The following PIK3R6 variants were observed in gnomAD, a reference collection of about 807,000 sequenced individuals.
PIK3R6 encodes the protein phosphoinositide-3-kinase regulatory subunit 6, also known as phosphoinositide 3-kinase regulatory subunit 6.
A neutral mutation model predicts 84.9 loss-of-function variants in PIK3R6; 91 were observed. The ratio of observed to expected loss-of-function variants is 1.07; its 90% CI spans 0.90 to 1.28. The LOEUF is 1.28. PIK3R6 is among the 50% of genes most tolerant of loss of function. The pLI is 0.00. For missense variants in PIK3R6, 996 were observed against 985.1 expected (o/e 1.01, Z -0.15); for synonymous variants, 416 against 411.4 (o/e 1.01, Z -0.13).
At position 8,836,475 on chromosome 17, in the gene PIK3R6, G is replaced by A. The variant is rs914672097; in HGVS notation, c.461+72C>T. On this transcript the variant is annotated intron_variant, in intron 7 of 19. Coordinates refer to ENST00000619866, the MANE Select transcript of PIK3R6 (RefSeq NM_001010855.4). ...ATCCAGCCTCCTCTTTTGTCCTCCT[G>A]CCAGGGAGCAGTCACTAAAGCCACA... 13 of 1,528,014 alleles carry A rather than the reference G, an allele frequency of 8.5e-6. 1 individual carries two copies. The highest frequency in any genetic ancestry group is 1.2e-5 in the Non-Finnish European group (13 of 1,103,290). 94.7% of individuals were successfully genotyped at this position (1,528,014 alleles called of 1,614,324 possible).
intron 18 of PIK3R6, among the ~76,000 whole-genome samples, chr17:8,815,854 T>G (rs537082447): frequency 3.9e-5 from 6 of 152,210 alleles, no homozygotes; most frequent in South Asian, 4.1e-4. Context: ...GGCAAGTCTT[T>G]CCTGGAAATT....
At position 8,827,258 on chromosome 17, in the gene PIK3R6, G is replaced by A; in HGVS notation, c.1429C>T (p.Leu477=). Residue 477 remains leucine, a synonymous_variant, in exon 13 of 20, where the codon CTG becomes TTG. Coordinates refer to ENST00000619866, the MANE Select transcript of PIK3R6 (RefSeq NM_001010855.4). ...TCTACGCGGCCCAGGAACGTAGCCAGCTCTCCCAGCTCCGGCTGCCTGGAT... is the reference window on the plus strand; with the variant it reads ...TCTACGCGGCCCAGGAACGTAGCCAACTCTCCCAGCTCCGGCTGCCTGGAT... ...AASRQPELGE[L]ATFLGRVDPW... 1 of 1,572,282 alleles carries A rather than the reference G, an allele frequency of 6.4e-7. No homozygotes were observed. Among genetic ancestry groups the A allele is most frequent in the Non-Finnish European group, 8.6e-7 (1 of 1,159,196 alleles).
chr17:8,811,056 G>T (rs1224607478), intron 18 of PIK3R6, among the ~76,000 whole-genome samples: 1 of 149,002 alleles, frequency 6.7e-6, no homozygotes, highest in Admixed American at 6.8e-5. Flanking sequence ...TTCTGCCTGG[G>T]CATTCAGGCA....
chr17:8,817,668 A>AC (rs139795191), intron 18 of PIK3R6, among the ~76,000 whole-genome samples: 3,429 of 152,170 alleles, frequency 0.023, 126 homozygotes, highest in African/African-American at 0.076. Flanking sequence ...AACAAAAAAA[A>AC]CAAAAACATT....
intron 4 of PIK3R6, chr17:8,838,164 G>C (rs565822482): frequency 2.0e-6 from 1 of 493,234 alleles, no homozygotes; most frequent in East Asian, 3.7e-5. Context: ...TCCTCAGCTC[G>C]GAGCCTCCCT....
chr17:8,826,087 T>A (rs1453861416), intron 13 of PIK3R6, among the ~76,000 whole-genome samples: 2 of 152,192 alleles, frequency 1.3e-5, no homozygotes, highest in African/African-American at 4.8e-5. Flanking sequence ...ACTCATTCTG[T>A]GACTTCAGGC....
chr17:8,845,521 TA>T (rs1280439925), intron 2 of PIK3R6, among the ~76,000 whole-genome samples: 1 of 152,334 alleles, frequency 6.6e-6, no homozygotes, highest in Non-Finnish European at 1.5e-5. Context: ...GTTTTTTGCT[TA>T]ATCAGTTGTG....
At position 8,821,952 on chromosome 17, in the gene PIK3R6, G is replaced by A. The variant is rs766311316; in HGVS notation, c.1789-16C>T. ...TAAGCAAGGCCTGAGGAGGGGGATC[G>A]AGGAACAGGTGGAGGTGCTCAGGAC... On this transcript the variant is annotated splice_polypyrimidine_tract_variant and intron_variant, in intron 16 of 19. Coordinates refer to ENST00000619866, the MANE Select transcript of PIK3R6 (RefSeq NM_001010855.4). 13 of 1,556,266 alleles carry A rather than the reference G, an allele frequency of 8.4e-6. No individual in the cohort carries two copies. Among genetic ancestry groups the A allele is most frequent in the Non-Finnish European group, 9.6e-6 (11 of 1,146,820 alleles).
rs181905284 is a variant in PIK3R6, at chr17:8,803,331, T to C, written c.2207A>G (p.Lys736Arg). 7.6e-5 allele frequency: 122 copies of C among 1,613,422 alleles called. 1 individual carries two copies. The African/African-American group carries it at 1.5e-3, about 20-fold the overall frequency. ...LHGQQEVEAIKAKPKPLLMPI... is the reference protein window; with the variant it reads ...LHGQQEVEAIRAKPKPLLMPI... ...CATCAGAAGGGGCTTGGGCTTGGCTTTGATTGCTTCCACCTCCTGTTGCCC... is the reference window on the plus strand; with the variant it reads ...CATCAGAAGGGGCTTGGGCTTGGCTCTGATTGCTTCCACCTCCTGTTGCCC... Residue 736 changes from lysine to arginine, a missense_variant, in exon 20 of 20, where the codon AAA (lysine) becomes AGA (arginine). Physicochemically the swap from Lys to Arg is conservative, Grantham distance 26. Coordinates refer to ENST00000619866, the MANE Select transcript of PIK3R6 (RefSeq NM_001010855.4). The surrounding 1 kb of genome is among the most constrained non-coding windows in gnomAD (Gnocchi z 5.0).
At chr17:8,863,851 T>C (rs1165452421) in intron 1 of PIK3R6, among the ~76,000 whole-genome samples, 1 of 152,158 alleles carries the variant, frequency 6.6e-6, no homozygotes, top group African/African-American at 2.4e-5. Context: ...AAAAGGATGA[T>C]GAGAGAGATC....
intron 17 of PIK3R6, 31 bp from the exon 18 acceptor site, chr17:8,819,229 C>A (rs1385162429): frequency 1.3e-6 from 2 of 1,498,744 alleles, no homozygotes. Flanking sequence ...TGTAAATGGA[C>A]CTCCAGGGAA....
rs1205578822 is a variant in PIK3R6 at position 8,841,703 on chromosome 17, A to G, written c.14-2006T>C. On this transcript the variant is annotated intron_variant, in intron 2 of 19. Transcript: ENST00000619866. ...TTAACAGTGGTACGTTGACATGGGA[A>G]AAAAAAAAAACCATGAAAGTGGTAC... is the stretch of plus-strand genomic sequence containing the variant. Among the ~76,000 whole-genome samples, 6 of 141,600 alleles carry G rather than the reference A, an allele frequency of 4.2e-5. No homozygotes were observed. In the East Asian group the frequency reaches 1.2e-3, roughly 28 times the overall value. 92.9% of individuals were successfully genotyped at this position (141,600 alleles called of 152,430 possible).
In PIK3R6 at chr17:8,822,645, G is replaced by A; in HGVS notation, c.1730C>T (p.Pro577Leu). ...DSKFPKDGFS[P>L]RRRGVAEGPG... ...GCCCTCAGCCACGCCTCTCCTCCTG[G>A]GTGAAAAGCCATCTGTGGGGAGATG... Residue 577 changes from proline (P) to leucine (L), a missense_variant, in exon 16 of 20, where the codon CCC becomes CTC. By Grantham distance (98) the Pro-to-Leu change is moderately conservative (BLOSUM62 -3). Coordinates refer to ENST00000619866, the MANE Select transcript of PIK3R6 (RefSeq NM_001010855.4). 2 of 1,613,980 alleles carry A rather than the reference G, an allele frequency of 1.2e-6. No individual in the cohort carries two copies. The highest frequency in any genetic ancestry group is 1.7e-6 in the Non-Finnish European group (2 of 1,179,872).
intron 9 of PIK3R6, among the ~76,000 whole-genome samples, chr17:8,831,765 T>C (rs1219127213): frequency 6.6e-6 from 1 of 152,146 alleles, no homozygotes; most frequent in Non-Finnish European, 1.5e-5. Flanking sequence ...ACTGTGCATA[T>C]CTGGGACATG....
In PIK3R6 at chr17:8,828,887, G is replaced by A. The variant is rs1414389940; in HGVS notation, c.993C>T (p.Ala331=). Residue 331 remains alanine (A), a synonymous_variant, in exon 11 of 20, where the codon GCC becomes GCT. Coordinates refer to ENST00000619866, the MANE Select transcript of PIK3R6 (RefSeq NM_001010855.4). ...LQGLRPDREL[A]RVSVLSTDSG... is the part of the protein sequence containing the mutation. ...TGTCAGTGGACAGCACAGAAACCCG[G>A]GCCAACTCCCGGTCCGGCCGGAGGC... 4 of 1,575,282 alleles carry A rather than the reference G, an allele frequency of 2.5e-6. No individual in the cohort carries two copies. The African/African-American group carries it at 4.1e-5, about 16-fold the overall frequency.
Position 8,834,506 on chromosome 17 carries a change from C to T in PIK3R6, c.645+767G>A, listed in dbSNP as rs921384404. On this transcript the variant is annotated intron_variant, in intron 8 of 19. Transcript: ENST00000619866. ...AACTTGGCTCAAGTGATCCTCTTGTCTTCCGAGTAGCTGGGACTGCAAACA... is the reference window on the plus strand; with the variant it reads ...AACTTGGCTCAAGTGATCCTCTTGTTTTCCGAGTAGCTGGGACTGCAAACA... Among the ~76,000 whole-genome samples, 11 of 151,590 alleles carry T rather than the reference C, an allele frequency of 7.3e-5. No homozygotes were observed. The South Asian group carries it at 2.3e-3, about 31-fold the overall frequency.
At chr17:8,866,456 C>A (rs541657075) in intron 1 of PIK3R6, among the ~76,000 whole-genome samples, 3 of 152,098 alleles carry the variant, frequency 2.0e-5, no homozygotes, top group African/African-American at 4.8e-5. Context: ...GCAGGAGAAT[C>A]GCTTGAACCC....
chr17:8,835,289 A>G lies in PIK3R6; in HGVS notation c.629T>C (p.Leu210Pro). ...GGCCATTACCTGCAGCTTCCTGTGC[A>G]GAGCGCCTGCGTGACAGGCCTCCCC... The part of the protein sequence containing the change: ...ALGEACHAGA[L>P]HRKLQASPRR... Residue 210 changes from leucine to proline, a missense_variant, in exon 8 of 20, where the codon CTG becomes CCG. By Grantham distance (98) the Leu-to-Pro change is moderately conservative (BLOSUM62 -3). Coordinates refer to ENST00000619866, the MANE Select transcript of PIK3R6 (RefSeq NM_001010855.4). 2 of 1,573,572 alleles carry G rather than the reference A, an allele frequency of 1.3e-6. No homozygotes were observed. The highest frequency in any genetic ancestry group is 1.2e-5 in the South Asian group (1 of 86,828).
intron 13 of PIK3R6, 101 bp downstream of exon 13, chr17:8,827,071 C>T (rs1001448135): frequency 2.9e-6 from 4 of 1,374,640 alleles, no homozygotes; most frequent in African/African-American, 2.9e-5. Context: ...CTCTCACCCC[C>T]ATTTCACCCT....
Sources: allele counts gnomAD v4.1 joint callset (sites outside exome capture counted in the v4.1 genomes callset), GRCh38; gene constraint gnomAD v4.1.1; non-coding constraint Gnocchi (gnomAD v3.1); transcripts MANE v1.5; gene names NCBI Gene and HGNC (gene_info 2026-07-23, HGNC 2026-07-21).